The following PCDHGA4 variants were observed in gnomAD, a reference collection of about 807,000 sequenced individuals.
PCDHGA4 encodes the protein protocadherin gamma subfamily A, 4, also known as protocadherin gamma-A4.
A neutral mutation model predicts 54.6 loss-of-function variants in PCDHGA4; 38 were observed. The ratio of observed to expected loss-of-function variants is 0.70; its 90% CI spans 0.54 to 0.91. PCDHGA4 has a LOEUF of 0.91. PCDHGA4 is among the 40% of genes least tolerant of loss of function. The pLI is 0.00. For missense variants in PCDHGA4, 1,298 were observed against 1,220.9 expected (o/e 1.06, Z -0.94); for synonymous variants, 511 against 512.9 (o/e 1.00, Z 0.05).
rs1020143604 is a variant in PCDHGA4, at chr5:141,387,463, C to T, written c.2514+29842C>T. 8.8e-4 allele frequency among the ~76,000 whole-genome samples: 134 copies of T among 152,318 alleles called. 2 individuals are homozygous for T. Among genetic ancestry groups the T allele is most frequent in the East Asian group, 3.9e-4 (2 of 5,186 alleles). ...TAATCTACATGATTTGCCTAAAAAT[C>T]CTCAAAGTTGGGATGAAGGCATTCC... On this transcript the variant is annotated intron_variant, in intron 1 of 3. Transcript: ENST00000571252.
intron 2 of PCDHGA4, 80 bp downstream of exon 2, chr5:141,494,945 C>G (rs2099757788): frequency 6.2e-7 from 1 of 1,608,958 alleles, no homozygotes; most frequent in Non-Finnish European, 8.5e-7. Flanking sequence ...GGGGGAGGGC[C>G]CAGCATTTGC....
chr5:141,409,438 A>G (rs1459982502), intron 1 of PCDHGA4: 2 of 1,613,984 alleles, frequency 1.2e-6, no homozygotes, highest in Non-Finnish European at 1.7e-6. Flanking sequence ...CCCTGGACCG[A>G]GAGCAGACAC....
chr5:141,364,415 G>T (rs368621667), intron 1 of PCDHGA4: 47 of 1,612,964 alleles, frequency 2.9e-5, no homozygotes, highest in Admixed American at 1.2e-4. Flanking sequence ...GCCAGGATCC[G>T]GGCAGATCCG....
intron 1 of PCDHGA4, chr5:141,418,120 G>A: frequency 6.2e-7 from 1 of 1,614,084 alleles, no homozygotes; most frequent in Non-Finnish European, 8.5e-7. Context: ...TACTTGTGAA[G>A]GACCGAATAG....
intron 1 of PCDHGA4, among the ~76,000 whole-genome samples, chr5:141,437,415 G>A: frequency 6.6e-6 from 1 of 152,162 alleles, no homozygotes; most frequent in Non-Finnish European, 1.5e-5. Context: ...GAAGTATTAT[G>A]CTTTTTGAAG....
chr5:141,398,905 A>G lies in PCDHGA4; in HGVS notation c.2514+41284A>G, dbSNP rs200564636. ...TCGGGAAAACGTGCCACCAGGCACC[A>G]CTGTGTTGCAAGTGTCAGCCACTGA... On this transcript the variant is annotated intron_variant, in intron 1 of 3. Coordinates refer to ENST00000571252, the MANE Select transcript of PCDHGA4 (RefSeq NM_018917.4). 1.2e-3 allele frequency: 1,935 copies of G among 1,613,984 alleles called. 4 individuals carry two copies. Among genetic ancestry groups the G allele is most frequent in the Middle Eastern group, 3.5e-3 (21 of 6,062 alleles).
rs988237114 is a variant in PCDHGA4 at position 141,493,830 on chromosome 5, G to A, written c.2515-977G>A. On this transcript the variant is annotated intron_variant, in intron 1 of 3. Transcript: ENST00000571252. This position sits in a 1 kb window ranked among gnomAD's most constrained non-coding sequence, Gnocchi z 4.3. ...ATACTCACACTCTCTGCTTCTGGGA[G>A]CAAGTATGAGTATTAATTACCAGCC... 1.3e-5 allele frequency among the ~76,000 whole-genome samples: 2 copies of A among 152,218 alleles called. No individual in the cohort carries two copies. The highest frequency in any genetic ancestry group is 4.8e-5 in the African/African-American group (2 of 41,456).
chr5:141,365,654 G>C (rs952946348), intron 1 of PCDHGA4: 3 of 1,613,496 alleles, frequency 1.9e-6, no homozygotes, highest in Non-Finnish European at 1.7e-6. Flanking sequence ...CCCCTTGAAA[G>C]TAGCAGACGT....
At chr5:141,387,385 T>C (rs998102373) in intron 1 of PCDHGA4, among the ~76,000 whole-genome samples, 4 of 152,206 alleles carry the variant, frequency 2.6e-5, no homozygotes, top group African/African-American at 9.6e-5. Flanking sequence ...TTTATATAGA[T>C]AGTGCATGTT....
intron 1 of PCDHGA4, chr5:141,394,337 C>T (rs2092979975): frequency 7.4e-6 from 12 of 1,614,148 alleles, no homozygotes; most frequent in Non-Finnish European, 1.0e-5. Flanking sequence ...TCTCCATCAA[C>T]TCTGACACCG....
intron 1 of PCDHGA4, chr5:141,426,985 A>G (rs534298238): frequency 7.7e-5 from 35 of 456,646 alleles, no homozygotes; most frequent in Non-Finnish European, 1.3e-4. Context: ...ACTGATGCCA[A>G]CGATAATGCC....
At chr5:141,384,312 T>A in intron 1 of PCDHGA4, 1 of 1,613,806 alleles carries the variant, frequency 6.2e-7, no homozygotes. Flanking sequence ...GGGCCTCCAT[T>A]TTCTTAGTGA....
At chr5:141,384,653 G>T in intron 1 of PCDHGA4, 1 of 1,614,222 alleles carries the variant, frequency 6.2e-7, no homozygotes, top group Non-Finnish European at 8.5e-7. Context: ...GCAGAGCCCG[G>T]CTACCTGGTG....
In PCDHGA4 at chr5:141,368,077, T is replaced by A. The variant is rs563591342; in HGVS notation, c.2514+10456T>A. Among the ~76,000 whole-genome samples the A allele has an allele frequency of 2.2e-4, 33 of 152,336 alleles. 1 individual carries two copies. The South Asian group carries it at 5.6e-3, about 26-fold the overall frequency. On this transcript the variant is annotated intron_variant, in intron 1 of 3. Transcript: ENST00000571252. ...AGAACTACTATATTTCCCTTCTGCA[T>A]CTGATTTGCTGAAGATGATTTTCAG...
chr5:141,389,747 G>A (rs766506538), intron 1 of PCDHGA4: 38 of 1,612,722 alleles, frequency 2.4e-5, no homozygotes, highest in Admixed American at 2.2e-4. Context: ...GGCTGCGCAC[G>A]GGCGAAGTGC....
intron 1 of PCDHGA4, chr5:141,399,515 C>T (rs748098945): frequency 6.2e-7 from 1 of 1,614,040 alleles, no homozygotes; most frequent in African/African-American, 1.3e-5. Context: ...AACAACCCTC[C>T]TGGGGCCTCC....
chr5:141,404,174 C>A, intron 1 of PCDHGA4: 1 of 1,613,138 alleles, frequency 6.2e-7, no homozygotes, highest in Non-Finnish European at 8.5e-7. Flanking sequence ...GTTGACGGCC[C>A]AAATTCTTGA....
At chr5:141,428,320 T>G in intron 1 of PCDHGA4, 2 of 650,176 alleles carry the variant, frequency 3.1e-6, no homozygotes, top group Non-Finnish European at 5.5e-6. Context: ...GGCCTTGGCC[T>G]TGATTTCTAT....
At chr5:141,481,894 A>G (rs1278425155) in intron 1 of PCDHGA4, among the ~76,000 whole-genome samples, 1 of 145,812 alleles carries the variant, frequency 6.9e-6, no homozygotes, top group Non-Finnish European at 1.5e-5. Flanking sequence ...AGCCTGGGTG[A>G]AAGAGCGAAA....
Sources: allele counts gnomAD v4.1 joint callset (sites outside exome capture counted in the v4.1 genomes callset), GRCh38; gene constraint gnomAD v4.1.1; non-coding constraint Gnocchi (gnomAD v3.1); transcripts MANE v1.5; gene names NCBI Gene and HGNC (gene_info 2026-07-23, HGNC 2026-07-21).